The following ATRNL1 variants were observed in gnomAD, a reference collection of about 807,000 sequenced individuals.
ATRNL1 encodes attractin like 1.
A neutral mutation model predicts 182.7 loss-of-function variants in ATRNL1; 95 were observed. That is an observed-to-expected ratio of 0.52 (90% CI 0.44 to 0.62). The LOEUF (loss-of-function observed/expected upper bound fraction) is 0.62, where lower values mean the gene tolerates loss of function less well. Among genes scored for constraint, ATRNL1 ranks in the 20% least tolerant of loss-of-function variants. ATRNL1 has a pLI of 0.00. For synonymous variants in ATRNL1, 576 were observed against 568.3 expected, an observed-to-expected ratio of 1.01 and a Z score of -0.19; for missense variants, 1,471 against 1,679.5, an observed-to-expected ratio of 0.88 and a Z score of 2.17.
At chr10:115,688,418 A>C (rs551057350) in intron 26 of ATRNL1, among the ~76,000 whole-genome samples, 17 of 152,200 alleles carry the variant, frequency 1.1e-4, no homozygotes, top group African/African-American at 4.1e-4. Flanking sequence ...GCACTAATTT[A>C]CATTCCCACC....
At chr10:115,860,032 G>C (rs781867700) in intron 28 of ATRNL1, among the ~76,000 whole-genome samples, 5 of 152,132 alleles carry the variant, frequency 3.3e-5, no homozygotes, top group Non-Finnish European at 5.9e-5. Flanking sequence ...TCACTGATGG[G>C]TAGCATATCC....
chr10:115,848,064 T>A, intron 28 of ATRNL1, 73 bp downstream of exon 28: 1 of 836,880 alleles, frequency 1.2e-6, no homozygotes, highest in Non-Finnish European at 2.0e-6. Context: ...ACAATACCAC[T>A]AAATAGCGCA....
intron 19 of ATRNL1, among the ~76,000 whole-genome samples, chr10:115,347,628 C>A (rs1478934742): frequency 1.3e-5 from 2 of 151,992 alleles, no homozygotes; most frequent in Non-Finnish European, 2.9e-5. Context: ...TTTAAATATA[C>A]TGCAGCATAT....
chr10:115,579,092 A>C (rs1323327086), intron 26 of ATRNL1, among the ~76,000 whole-genome samples: 2 of 151,698 alleles, frequency 1.3e-5, no homozygotes, highest in South Asian at 4.1e-4. Flanking sequence ...ATCTTCTTAA[A>C]TTTGTTAAGA....
At chr10:115,509,323 C>A (rs954395059) in intron 24 of ATRNL1, among the ~76,000 whole-genome samples, 2 of 151,950 alleles carry the variant, frequency 1.3e-5, no homozygotes, top group East Asian at 1.9e-4. Flanking sequence ...ATAACTGATA[C>A]GGTTTGGGTG....
chr10:115,290,610 C>T (rs1021975202), intron 15 of ATRNL1, among the ~76,000 whole-genome samples: 22 of 152,198 alleles, frequency 1.4e-4, no homozygotes, highest in African/African-American at 4.8e-4. Context: ...GAGCTGAGGT[C>T]GTGCCATTGC....
At chr10:115,135,630 G>A (rs1028286138) in intron 5 of ATRNL1, among the ~76,000 whole-genome samples, 36 of 152,162 alleles carry the variant, frequency 2.4e-4, no homozygotes, top group African/African-American at 7.2e-5. Flanking sequence ...TTATAGATCA[G>A]TGCCATCCCC....
chr10:115,647,852 A>T (rs1859730830), intron 26 of ATRNL1, among the ~76,000 whole-genome samples: 1 of 152,102 alleles, frequency 6.6e-6, no homozygotes, highest in African/African-American at 2.4e-5. Flanking sequence ...TTGGTGTTTT[A>T]GTCATGAAGT....
In ATRNL1 at chr10:115,231,702, A is replaced by G. The variant is rs1239935617; in HGVS notation, c.1533-9869A>G. Among the ~76,000 whole-genome samples, 12 of 152,276 alleles carry G rather than the reference A, an allele frequency of 7.9e-5. No individual in the cohort carries two copies. The East Asian group carries it at 1.2e-3, about 15-fold the overall frequency. On this transcript the variant is annotated intron_variant, in intron 9 of 28. Coordinates refer to ENST00000355044, the MANE Select transcript of ATRNL1 (RefSeq NM_207303.4). The stretch of plus-strand genomic sequence containing the variant: ...GTGGTAAACCTTACCTAGGAAGAGC[A>G]TGGGCACTTTATTCATAAGAACAGA...
chr10:115,356,237 A>C (rs1405898174), intron 19 of ATRNL1, among the ~76,000 whole-genome samples: 1 of 152,126 alleles, frequency 6.6e-6, no homozygotes, highest in Non-Finnish European at 1.5e-5. Context: ...TCTTAAAATA[A>C]GTGTAGGAAG....
intron 26 of ATRNL1, among the ~76,000 whole-genome samples, chr10:115,579,308 A>T (rs1198453326): frequency 6.6e-6 from 1 of 151,604 alleles, no homozygotes; most frequent in African/African-American, 2.4e-5. Flanking sequence ...CTCTATCATT[A>T]TTGCTGTCTA....
At chr10:115,722,777 G>A (rs1947470356) in intron 26 of ATRNL1, among the ~76,000 whole-genome samples, 1 of 152,140 alleles carries the variant, frequency 6.6e-6, no homozygotes, top group South Asian at 2.1e-4. Flanking sequence ...GATCTTTGCA[G>A]TATTGCCATA....
intron 9 of ATRNL1, among the ~76,000 whole-genome samples, chr10:115,228,886 C>T (rs1849812158): frequency 6.6e-6 from 1 of 151,528 alleles, no homozygotes; most frequent in South Asian, 2.1e-4. Context: ...TTGCCTTGGC[C>T]TCCTGAGTAG....
chr10:115,558,949 T>A (rs1224214923), intron 26 of ATRNL1, among the ~76,000 whole-genome samples: 1 of 152,078 alleles, frequency 6.6e-6, no homozygotes, highest in East Asian at 1.9e-4. Context: ...CAAAATCAGC[T>A]GAGGCCTGAG....
intron 26 of ATRNL1, among the ~76,000 whole-genome samples, chr10:115,713,675 T>TTCTATCTATCTATCTATCTA (rs56673702): frequency 1.4e-3 from 157 of 114,294 alleles, no homozygotes; most frequent in East Asian, 7.8e-3. Context: ...AGGTTCTGTT[T>TTCTATCTATCTATCTATCTA]TCTATCTATC....
chr10:115,557,549 C>T (rs1429743360), intron 26 of ATRNL1, among the ~76,000 whole-genome samples: 1 of 151,864 alleles, frequency 6.6e-6, no homozygotes, highest in African/African-American at 2.4e-5. Context: ...AGTGAAATAA[C>T]TGAAAATTGA....
rs1855988507 is a variant in ATRNL1 at position 115,346,659 on chromosome 10, A to G, written c.3175+12240A>G. Among the ~76,000 whole-genome samples, 3 of 152,198 alleles carry G rather than the reference A, an allele frequency of 2.0e-5. No individual in the cohort carries two copies. The South Asian group carries it at 6.2e-4, about 32-fold the overall frequency. ...TTTGTGAGTATTTGTGTCTTTTCATATGCTTTTTAGCCATTTCTTTATCTT... is the reference window on the plus strand; with the variant it reads ...TTTGTGAGTATTTGTGTCTTTTCATGTGCTTTTTAGCCATTTCTTTATCTT... On this transcript the variant is annotated intron_variant, in intron 19 of 28. Transcript: ENST00000355044.
chr10:115,141,901 C>A (rs1845766272), intron 5 of ATRNL1, among the ~76,000 whole-genome samples: 1 of 152,078 alleles, frequency 6.6e-6, no homozygotes, highest in Non-Finnish European at 1.5e-5. Context: ...AAAATAAAAG[C>A]AGCATTAAAA....
intron 26 of ATRNL1, among the ~76,000 whole-genome samples, chr10:115,567,800 G>A (rs887902206): frequency 6.6e-6 from 1 of 152,014 alleles, no homozygotes; most frequent in African/African-American, 2.4e-5. Flanking sequence ...TAATGAGAAT[G>A]GTGAAAACCA....
Sources: gnomAD v4.1 joint callset for allele counts (sites outside exome capture counted in the v4.1 genomes callset) on GRCh38, gnomAD v4.1.1 for gene constraint, MANE v1.5 for transcripts, NCBI Gene and HGNC (gene_info 2026-07-23, HGNC 2026-07-21) for gene names.